RNF150: variants seen among roughly 807,000 people sequenced by gnomAD.
The protein encoded by RNF150 is ring finger protein 150.
A neutral mutation model predicts 39.3 loss-of-function variants in RNF150; 24 were observed. The ratio of observed to expected loss-of-function variants is 0.61; its 90% CI spans 0.44 to 0.86. The LOEUF is 0.86. RNF150 is among the 40% of genes least tolerant of loss of function. The probability of loss-of-function intolerance (pLI) is 0.00; values close to 1 mark genes in which losing one functional copy is unlikely to be tolerated. For missense variants in RNF150, 502 were observed against 587.8 expected, an observed-to-expected ratio of 0.85 and a Z score of 1.51; for synonymous variants, 255 against 227.3, an observed-to-expected ratio of 1.12 and a Z score of -1.10.
intron 1 of RNF150, among the ~76,000 whole-genome samples, chr4:140,971,861 T>A (rs1264896534): frequency 1.3e-5 from 2 of 152,172 alleles, no homozygotes; most frequent in Non-Finnish European, 2.9e-5. Context: ...GTGCTAGACA[T>A]TTCACAAAGC....
intron 1 of RNF150, among the ~76,000 whole-genome samples, chr4:141,086,990 A>C (rs1433372414): frequency 6.6e-6 from 1 of 152,098 alleles, no homozygotes; most frequent in Non-Finnish European, 1.5e-5. Flanking sequence ...ATTTTTATTA[A>C]AAATTTTTTA....
intron 1 of RNF150, among the ~76,000 whole-genome samples, chr4:141,210,419 A>C (rs576188258): frequency 3.1e-4 from 47 of 149,906 alleles, no homozygotes; most frequent in African/African-American, 5.1e-4. Context: ...GCTGACGTTG[A>C]TTTTGCCCTC....
intron 1 of RNF150, among the ~76,000 whole-genome samples, chr4:140,994,136 G>A (rs1734282955): frequency 6.6e-6 from 1 of 152,148 alleles, no homozygotes; most frequent in Non-Finnish European, 1.5e-5. Context: ...CAAGAGAACT[G>A]CTCGTGGAAG....
chr4:140,931,238 C>G (rs1262587725), intron 4 of RNF150, among the ~76,000 whole-genome samples: 2 of 152,052 alleles, frequency 1.3e-5, no homozygotes, highest in African/African-American at 4.8e-5. Context: ...GATTTCTACT[C>G]TTTTGTGTAA....
intron 1 of RNF150, among the ~76,000 whole-genome samples, chr4:141,110,789 G>C (rs1260790096): frequency 6.6e-6 from 1 of 151,930 alleles, no homozygotes; most frequent in Non-Finnish European, 1.5e-5. Flanking sequence ...TTTATCTTTT[G>C]TTAATTTGGC....
intron 1 of RNF150, among the ~76,000 whole-genome samples, chr4:141,163,045 T>A (rs1194559338): frequency 6.6e-6 from 1 of 152,142 alleles, no homozygotes; most frequent in African/African-American, 2.4e-5. Flanking sequence ...CAAGCTAAGA[T>A]CCACTGGCTT....
intron 1 of RNF150, among the ~76,000 whole-genome samples, chr4:141,049,069 A>G (rs1224379789): frequency 6.6e-6 from 1 of 152,204 alleles, no homozygotes; most frequent in African/African-American, 2.4e-5. Flanking sequence ...TGTTAATATC[A>G]GGTGTGCCTC....
chr4:140,959,691 G>A (rs57671040), intron 2 of RNF150, among the ~76,000 whole-genome samples: 45,598 of 152,070 alleles, frequency 0.3, 8,158 homozygotes, highest in Non-Finnish European at 0.41. Flanking sequence ...GTGTGAGGCT[G>A]TCCTTGGTCT....
intron 4 of RNF150, among the ~76,000 whole-genome samples, chr4:140,938,537 A>G (rs1439017175): frequency 2.0e-5 from 3 of 152,170 alleles, no homozygotes; most frequent in Admixed American, 1.3e-4. Context: ...AGGATAAGGA[A>G]GCTCTGTGGG....
chr4:141,006,203 T>C (rs574452964), intron 1 of RNF150, among the ~76,000 whole-genome samples: 2 of 143,424 alleles, frequency 1.4e-5, no homozygotes, highest in East Asian at 4.1e-4. Flanking sequence ...AAATTATATA[T>C]ATACACACAT....
At chr4:141,048,712 G>A (rs1036250888) in intron 1 of RNF150, among the ~76,000 whole-genome samples, 1 of 152,084 alleles carries the variant, frequency 6.6e-6, no homozygotes, top group Admixed American at 6.6e-5. Flanking sequence ...CAGCCTGGGT[G>A]ACAGAGTGAG....
At chr4:140,978,713 G>A (rs1408196180) in intron 1 of RNF150, among the ~76,000 whole-genome samples, 4 of 152,094 alleles carry the variant, frequency 2.6e-5, no homozygotes, top group African/African-American at 9.7e-5. Context: ...GATGAATATA[G>A]AATAAGGCAT....
chr4:141,202,495 A>T (rs944042304), intron 1 of RNF150, among the ~76,000 whole-genome samples: 1 of 152,144 alleles, frequency 6.6e-6, no homozygotes, highest in East Asian at 1.9e-4. Context: ...ACTAGGTGTG[A>T]GTTTAAAGTA....
chr4:140,980,517 C>A (rs367808336), intron 1 of RNF150, among the ~76,000 whole-genome samples: 1 of 152,022 alleles, frequency 6.6e-6, no homozygotes, highest in East Asian at 1.9e-4. Context: ...GTCCCCCTGC[C>A]CCCAGATCTC....
chr4:141,184,384 C>T (rs551068282), intron 1 of RNF150, among the ~76,000 whole-genome samples: 103 of 152,030 alleles, frequency 6.8e-4, no homozygotes, highest in Non-Finnish European at 1.3e-3. Flanking sequence ...TTAAGTTCTT[C>T]GTAGATTCTG....
chr4:140,918,861 G>C (rs1034412562), intron 5 of RNF150, among the ~76,000 whole-genome samples: 7 of 152,064 alleles, frequency 4.6e-5, no homozygotes, highest in African/African-American at 1.7e-4. Flanking sequence ...TTCATCCCTG[G>C]GATGAAAGTC....
Position 141,133,173 on chromosome 4 carries a change from G to A in RNF150, c.-365C>T, listed in dbSNP as rs536406501. 7.8e-6 allele frequency: 2 copies of A among 255,020 alleles called. No homozygotes were observed. Among genetic ancestry groups the A allele is most frequent in the South Asian group, 8.6e-5 (2 of 23,224 alleles). 15.8% of individuals were successfully genotyped at this position (255,020 alleles called of 1,614,324 possible). A position where few individuals can be genotyped will look rare whatever the true frequency, so the allele number is the denominator to read the frequency against. On this transcript the variant is annotated 5_prime_UTR_variant, in exon 1 of 7. Coordinates refer to ENST00000515673, the MANE Select transcript of RNF150 (RefSeq NM_020724.2). ...CCGGGGGCCCACGAACTTGCAGGGTGGCGGCCCTGCGCCCTCCAGCCCCGG... is the reference window on the plus strand; with the variant it reads ...CCGGGGGCCCACGAACTTGCAGGGTAGCGGCCCTGCGCCCTCCAGCCCCGG...
chr4:140,987,408 C>G (rs1333997490), intron 1 of RNF150, among the ~76,000 whole-genome samples: 1 of 152,008 alleles, frequency 6.6e-6, no homozygotes, highest in African/African-American at 2.4e-5. Flanking sequence ...AAAACTGGTA[C>G]AAAAACAGAA....
intron 1 of RNF150, among the ~76,000 whole-genome samples, chr4:141,197,318 T>G (rs1232874165): frequency 6.6e-6 from 1 of 152,196 alleles, no homozygotes; most frequent in African/African-American, 2.4e-5. Flanking sequence ...CATAATTACT[T>G]AATTTTGAGT....
Sources: gnomAD v4.1 joint callset for allele counts (sites outside exome capture counted in the v4.1 genomes callset) on GRCh38, gnomAD v4.1.1 for gene constraint, MANE v1.5 for transcripts, NCBI Gene and HGNC (gene_info 2026-07-23, HGNC 2026-07-21) for gene names.